The following CTNNBL1 variants were observed in gnomAD, a reference collection of about 807,000 sequenced individuals.
CTNNBL1 encodes catenin beta like 1.
In CTNNBL1, 31 loss-of-function variants were observed where a neutral mutation model predicts 72.7. The observed-to-expected ratio is 0.43, with a 90% CI of 0.32 to 0.58. CTNNBL1 has a LOEUF of 0.58. Among genes scored for constraint, CTNNBL1 ranks in the 20% least tolerant of loss-of-function variants. The pLI, the probability that CTNNBL1 is intolerant of heterozygous loss-of-function variation, is 0.08. For missense variants in CTNNBL1, 534 were observed against 725.1 expected, an observed-to-expected ratio of 0.74 and a Z score of 3.03; for synonymous variants, 240 against 267.3, an observed-to-expected ratio of 0.90 and a Z score of 1.00.
chr20:37,791,615 C>T (rs1382298050), intron 10 of CTNNBL1, among the ~76,000 whole-genome samples: 1 of 151,878 alleles, frequency 6.6e-6, no homozygotes, highest in East Asian at 1.9e-4. Flanking sequence ...CAGAGGTTAC[C>T]CCCTCAGCCC....
intron 3 of CTNNBL1, among the ~76,000 whole-genome samples, chr20:37,741,859 G>T (rs1486536770): frequency 6.6e-6 from 1 of 152,018 alleles, no homozygotes; most frequent in Non-Finnish European, 1.5e-5. Flanking sequence ...CTGCTTGTTT[G>T]TTTTATTTTG....
chr20:37,748,685 C>A (rs2073290094), intron 4 of CTNNBL1, among the ~76,000 whole-genome samples: 1 of 152,210 alleles, frequency 6.6e-6, no homozygotes, highest in South Asian at 2.1e-4. Context: ...GACCAAGGCA[C>A]CAGCAGTTTT....
At chr20:37,694,237 C>A (rs768981393) in intron 1 of CTNNBL1, 85 bp downstream of exon 1, 3 of 1,236,500 alleles carry the variant, frequency 2.4e-6, no homozygotes, top group Admixed American at 6.5e-5. Flanking sequence ...CTCACCTCCT[C>A]TCGCCTCACT....
chr20:37,864,324 A>G (rs961119683), intron 15 of CTNNBL1, among the ~76,000 whole-genome samples: 1 of 151,688 alleles, frequency 6.6e-6, no homozygotes, highest in Non-Finnish European at 1.5e-5. Flanking sequence ...TTTTTCTTTA[A>G]CATACTAATT....
intron 12 of CTNNBL1, among the ~76,000 whole-genome samples, chr20:37,841,158 T>C (rs2072301046): frequency 6.6e-6 from 1 of 152,366 alleles, no homozygotes; most frequent in African/African-American, 2.4e-5. Context: ...ATTATTTGCA[T>C]TGACAGGCAA....
intron 6 of CTNNBL1, among the ~76,000 whole-genome samples, chr20:37,767,409 G>A (rs1233540565): frequency 6.6e-6 from 1 of 152,160 alleles, no homozygotes; most frequent in Non-Finnish European, 1.5e-5. Flanking sequence ...AGTTACCTCT[G>A]CCAGCATGGC....
At chr20:37,808,131 G>A (rs978522277) in intron 11 of CTNNBL1, among the ~76,000 whole-genome samples, 1 of 152,134 alleles carries the variant, frequency 6.6e-6, no homozygotes, top group African/African-American at 2.4e-5. Flanking sequence ...TGCACACTAG[G>A]TATATACACG....
chr20:37,702,403 A>G (rs574742397), intron 1 of CTNNBL1, among the ~76,000 whole-genome samples: 1 of 152,240 alleles, frequency 6.6e-6, no homozygotes, highest in South Asian at 2.1e-4. Context: ...TTGTGTGTAT[A>G]AGAAACATTA....
At chr20:37,819,122 C>T (rs1015957447) in intron 11 of CTNNBL1, among the ~76,000 whole-genome samples, 1 of 152,106 alleles carries the variant, frequency 6.6e-6, no homozygotes, top group Non-Finnish European at 1.5e-5. Flanking sequence ...TTTGACTTGA[C>T]AAAAGTGCAT....
At chr20:37,814,653 C>G (rs2072039057) in intron 11 of CTNNBL1, among the ~76,000 whole-genome samples, 1 of 152,168 alleles carries the variant, frequency 6.6e-6, no homozygotes, top group Non-Finnish European at 1.5e-5. Flanking sequence ...ACATGTCCCT[C>G]CTCCAGCAAT....
chr20:37,750,694 T>C (rs1363751251), intron 4 of CTNNBL1: 1 of 152,222 alleles, frequency 6.6e-6, no homozygotes, highest in Non-Finnish European at 1.5e-5. Context: ...TTTTTGTATG[T>C]CTTTTGCCAT....
rs746746881 is a variant in CTNNBL1, at chr20:37,779,327, C to T, written c.1023C>T (p.Leu341=). 1.9e-6 allele frequency: 3 copies of T among 1,613,540 alleles called. No homozygotes were observed. The highest frequency in any genetic ancestry group is 2.5e-6 in the Non-Finnish European group (3 of 1,179,596). The change falls in exon 10 of 16, where the codon CTC becomes CTT. Residue 341 remains leucine (L), a synonymous_variant. Coordinates refer to ENST00000361383, the MANE Select transcript of CTNNBL1 (RefSeq NM_030877.5). ...GCGAGGGTCTTCAGCTGATGAATCT[C>T]ATGCTCAGGTATGTTTCGAATGCCC... ...LKGEGLQLMN[L]MLREKKISRS...
In CTNNBL1 at chr20:37,861,671, C is replaced by T. The variant is rs78601262; in HGVS notation, c.1603+1327C>T. Among the ~76,000 whole-genome samples the T allele has an allele frequency of 1.4e-4, 22 of 152,272 alleles. No individual in the cohort carries two copies. The East Asian group carries it at 3.3e-3, about 23-fold the overall frequency. ...CAGTGAAGTGAAGCACGGTTAAGAG[C>T]GTGGGCTCTAGGGTCAGAGGCTTGT... On this transcript the variant is annotated intron_variant, in intron 15 of 15. Coordinates refer to ENST00000361383, the MANE Select transcript of CTNNBL1 (RefSeq NM_030877.5).
intron 15 of CTNNBL1, among the ~76,000 whole-genome samples, chr20:37,865,268 A>G (rs1159116698): frequency 6.6e-6 from 1 of 152,228 alleles, no homozygotes; most frequent in African/African-American, 2.4e-5. Context: ...GCAAAGCAGA[A>G]TGGAGCCAGT....
At chr20:37,776,439 G>A (rs567172850) in intron 7 of CTNNBL1, among the ~76,000 whole-genome samples, 73 of 152,246 alleles carry the variant, frequency 4.8e-4, no homozygotes, top group African/African-American at 1.6e-3. Context: ...TCTTTTCCAA[G>A]TACAGAAATT....
intron 1 of CTNNBL1, among the ~76,000 whole-genome samples, chr20:37,716,347 T>C (rs1386079597): frequency 6.6e-6 from 1 of 152,088 alleles, no homozygotes; most frequent in Non-Finnish European, 1.5e-5. Context: ...GCAGGGAGAA[T>C]TTGTAGGTGG....
At chr20:37,702,976 C>G (rs1390447970) in intron 1 of CTNNBL1, among the ~76,000 whole-genome samples, 2 of 152,212 alleles carry the variant, frequency 1.3e-5, no homozygotes, top group Non-Finnish European at 2.9e-5. Flanking sequence ...TCTGTGCTTT[C>G]ATGTCAGACT....
chr20:37,718,045 C>CT (rs2073002894), intron 1 of CTNNBL1, among the ~76,000 whole-genome samples: 2 of 152,208 alleles, frequency 1.3e-5, no homozygotes, highest in Admixed American at 1.3e-4. Context: ...ATTTCTCAAT[C>CT]TTTTCCCCAC....
At chr20:37,760,670 C>T (rs1429116186) in intron 5 of CTNNBL1, among the ~76,000 whole-genome samples, 1 of 152,206 alleles carries the variant, frequency 6.6e-6, no homozygotes, top group African/African-American at 2.4e-5. Context: ...TAGTGCCTAT[C>T]ATACAGTACC....
Sources: gnomAD v4.1 joint callset for allele counts (sites outside exome capture counted in the v4.1 genomes callset) on GRCh38, gnomAD v4.1.1 for gene constraint, MANE v1.5 for transcripts, NCBI Gene and HGNC (gene_info 2026-07-23, HGNC 2026-07-21) for gene names.